The following GMDS variants were observed in gnomAD, a reference collection of about 807,000 sequenced individuals.
GMDS encodes the protein GDP-mannose 4,6 dehydratase.
GMDS carries 20 observed loss-of-function variants against 49.9 expected under a neutral mutation model. The ratio of observed to expected loss-of-function variants is 0.40; its 90% CI spans 0.28 to 0.58. GMDS has a LOEUF of 0.58. GMDS is among the 20% of genes least tolerant of loss of function. The probability of loss-of-function intolerance (pLI) is 0.42; values close to 1 mark genes in which losing one functional copy is unlikely to be tolerated. For synonymous variants in GMDS, 177 were observed against 178.6 expected (o/e 0.99, Z 0.07); for missense variants, 362 against 481.4 (o/e 0.75, Z 2.32).
chr6:1,630,121 G>A (rs900287731), intron 9 of GMDS, among the ~76,000 whole-genome samples: 10 of 152,116 alleles, frequency 6.6e-5, no homozygotes, highest in Non-Finnish European at 1.2e-4. Flanking sequence ...AACAAGAATT[G>A]TAGTTAAGCA....
At chr6:1,975,081 C>A (rs1010105572) in intron 4 of GMDS, among the ~76,000 whole-genome samples, 1 of 151,704 alleles carries the variant, frequency 6.6e-6, no homozygotes, top group African/African-American at 2.4e-5. Flanking sequence ...GGTCACACTG[C>A]AGATGAACTC....
At chr6:2,035,425 T>C (rs1406924054) in intron 4 of GMDS, among the ~76,000 whole-genome samples, 2 of 152,124 alleles carry the variant, frequency 1.3e-5, no homozygotes, top group Non-Finnish European at 2.9e-5. Flanking sequence ...TCTTCCCTGA[T>C]TTTCCAAGGA....
chr6:1,695,907 G>GTTTTTT (rs11366742), intron 9 of GMDS, among the ~76,000 whole-genome samples: 1 of 124,408 alleles, frequency 8.0e-6, no homozygotes, highest in African/African-American at 3.1e-5. Context: ...TTCTGTCTTG[G>GTTTTTT]TTTTTTTTTT....
intron 9 of GMDS, among the ~76,000 whole-genome samples, chr6:1,633,799 C>T (rs1242158106): frequency 6.6e-6 from 1 of 152,084 alleles, no homozygotes; most frequent in Non-Finnish European, 1.5e-5. Flanking sequence ...TGTTGGCCTC[C>T]CGGGTGGTTT....
At chr6:1,880,733 C>T (rs1374314416) in intron 7 of GMDS, among the ~76,000 whole-genome samples, 1 of 152,170 alleles carries the variant, frequency 6.6e-6, no homozygotes, top group African/African-American at 2.4e-5. Context: ...TTCTAACTAA[C>T]CTCCATTAAT....
chr6:1,999,983 T>G, intron 4 of GMDS, among the ~76,000 whole-genome samples: 1 of 15,212 alleles, frequency 6.6e-5, no homozygotes, highest in Non-Finnish European at 1.2e-4. Flanking sequence ...TATATATATT[T>G]TATATATATA....
intron 9 of GMDS, among the ~76,000 whole-genome samples, chr6:1,636,685 T>C (rs1434269522): frequency 1.3e-5 from 2 of 152,138 alleles, no homozygotes; most frequent in African/African-American, 2.4e-5. Flanking sequence ...ACCATGAGCC[T>C]AGGATTGGGG....
intron 4 of GMDS, among the ~76,000 whole-genome samples, chr6:2,052,129 A>AAAAAAAAAAAAAAAACAAAC (rs1248872483): frequency 2.2e-5 from 3 of 137,950 alleles, no homozygotes; most frequent in African/African-American, 8.8e-5. Context: ...AAAAAAAAAA[A>AAAAAAAAAAAAAAAACAAAC]AGAAAAAAAA....
At chr6:2,026,106 CTTTAG>C (rs1185283185) in intron 4 of GMDS, among the ~76,000 whole-genome samples, 2 of 152,172 alleles carry the variant, frequency 1.3e-5, no homozygotes, top group Non-Finnish European at 2.9e-5. Context: ...AGAACAATTA[CTTTAG>C]TTCAACAGAT....
chr6:1,901,929 G>C (rs911291060), intron 7 of GMDS, among the ~76,000 whole-genome samples: 2 of 152,194 alleles, frequency 1.3e-5, no homozygotes, highest in African/African-American at 4.8e-5. Context: ...CAGGGAAAAG[G>C]GCTACTGTGG....
At chr6:2,159,412 G>A (rs573227847) in intron 1 of GMDS, among the ~76,000 whole-genome samples, 3 of 149,612 alleles carry the variant, frequency 2.0e-5, no homozygotes, top group African/African-American at 7.4e-5. Flanking sequence ...ATAGATTTGT[G>A]TATATTTTAT....
intron 7 of GMDS, among the ~76,000 whole-genome samples, chr6:1,848,727 C>G (rs945821066): frequency 6.6e-6 from 1 of 152,090 alleles, no homozygotes; most frequent in African/African-American, 2.4e-5. Context: ...ATGGAGTGGT[C>G]TGGGCTGAAG....
In GMDS at chr6:2,207,793, T is replaced by C. The variant is rs575931576; in HGVS notation, c.102+37528A>G. Among the ~76,000 whole-genome samples the C allele has an allele frequency of 2.0e-5, 3 of 152,068 alleles. 1 individual carries two copies. The highest frequency in any genetic ancestry group is 7.3e-5 in the African/African-American group (3 of 41,342). ...TACAGTCCTGCCCATTTGAAGTTTC[T>C]GCAGGGAAGACTGTAAGGTTAACAT... is the stretch of plus-strand genomic sequence containing the variant. On this transcript the variant is annotated intron_variant, in intron 1 of 10. Transcript: ENST00000380815.
chr6:2,232,224 A>T (rs1277604746), intron 1 of GMDS, among the ~76,000 whole-genome samples: 1 of 152,098 alleles, frequency 6.6e-6, no homozygotes, highest in Non-Finnish European at 1.5e-5. Flanking sequence ...CTTTCAAAAT[A>T]ACCTAGCCAC....
chr6:2,168,306 T>C (rs1024650881), intron 1 of GMDS, among the ~76,000 whole-genome samples: 1 of 152,154 alleles, frequency 6.6e-6, no homozygotes, highest in Non-Finnish European at 1.5e-5. Context: ...AACAACAGCA[T>C]CCAAAACCAA....
intron 4 of GMDS, among the ~76,000 whole-genome samples, chr6:1,965,666 A>T (rs1764221995): frequency 6.6e-6 from 1 of 152,032 alleles, no homozygotes; most frequent in African/African-American, 2.4e-5. Flanking sequence ...CTACAAAAAA[A>T]ATTAAAAGTA....
intron 4 of GMDS, among the ~76,000 whole-genome samples, chr6:2,060,642 C>T (rs1771091779): frequency 6.6e-6 from 1 of 152,092 alleles, no homozygotes; most frequent in Non-Finnish European, 1.5e-5. Flanking sequence ...GTGATAAATG[C>T]TATGGAGAAA....
At chr6:2,237,462 T>C (rs1781414426) in intron 1 of GMDS, among the ~76,000 whole-genome samples, 1 of 152,046 alleles carries the variant, frequency 6.6e-6, no homozygotes, top group African/African-American at 2.4e-5. Context: ...ATTCCCAAAA[T>C]TCCTCAAGAA....
At chr6:1,896,433 C>T (rs946325262) in intron 7 of GMDS, among the ~76,000 whole-genome samples, 5 of 152,190 alleles carry the variant, frequency 3.3e-5, no homozygotes, top group Non-Finnish European at 5.9e-5. Context: ...ACACGAAGGA[C>T]CTCAAAGTCT....
Sources: gnomAD v4.1 joint callset for allele counts (sites outside exome capture counted in the v4.1 genomes callset) on GRCh38, gnomAD v4.1.1 for gene constraint, MANE v1.5 for transcripts, NCBI Gene and HGNC (gene_info 2026-07-23, HGNC 2026-07-21) for gene names.